HERC3: variants seen among roughly 807,000 people sequenced by gnomAD.
HERC3 encodes the protein probable E3 ubiquitin-protein ligase HERC3.
Under a neutral mutation model 129.9 loss-of-function variants are expected in HERC3, and 58 were observed. The ratio of observed to expected loss-of-function variants is 0.45; its 90% CI spans 0.36 to 0.56. HERC3 has a LOEUF of 0.56. HERC3 is among the 20% of genes least tolerant of loss of function. The pLI, the probability that HERC3 is intolerant of heterozygous loss-of-function variation, is 0.00. For missense variants in HERC3, 835 were observed against 1,244.2 expected (o/e 0.67, Z 4.95); for synonymous variants, 430 against 451.0 (o/e 0.95, Z 0.59).
the HERC3 span, among the ~76,000 whole-genome samples, chr4:88,534,448 A>G: frequency 6.6e-6 from 1 of 151,872 alleles, no homozygotes; most frequent in African/African-American, 2.4e-5. Context: ...AAACACTATA[A>G]TTACCCAGTG....
chr4:88,658,155 G>T (rs867046899), intron 9 of HERC3: 5 of 283,408 alleles, frequency 1.8e-5, no homozygotes, highest in East Asian at 6.1e-5. Flanking sequence ...ATGAAAAAGA[G>T]AAACTAGGTC....
At chr4:88,627,109 A>G (rs1476308875) in intron 3 of HERC3, among the ~76,000 whole-genome samples, 1 of 152,184 alleles carries the variant, frequency 6.6e-6, no homozygotes, top group African/African-American at 2.4e-5. Flanking sequence ...TATTTAGTTT[A>G]AAATACTTTG....
chr4:88,592,522 C>G lies in HERC3; in HGVS notation c.-140C>G, dbSNP rs1428901172. 6.6e-6 allele frequency: 1 copy of G among 152,324 alleles called. No individual in the cohort carries two copies. Among genetic ancestry groups the G allele is most frequent in the East Asian group, 1.9e-4 (1 of 5,178 alleles). 9.4% of individuals were successfully genotyped at this position (152,324 alleles called of 1,614,324 possible). A position where few individuals can be genotyped will look rare whatever the true frequency, so the allele number is the denominator to read the frequency against. The stretch of plus-strand genomic sequence containing the variant: ...GAAAACGGAGAAACCCCGGGTCCGG[C>G]GAGAGGGGCTGTGACAGTCGGAGTC... On this transcript the variant is annotated 5_prime_UTR_variant, in exon 1 of 26. Coordinates refer to ENST00000402738, the MANE Select transcript of HERC3 (RefSeq NM_014606.3).
the HERC3 span, among the ~76,000 whole-genome samples, chr4:88,557,799 G>A: frequency 0.16 from 25,041 of 152,078 alleles, 2,356 homozygotes; most frequent in Admixed American, 0.25. Context: ...GCTCATGCCT[G>A]TAATCCCAGC....
At chr4:88,631,091 A>G (rs541770671) in intron 3 of HERC3, among the ~76,000 whole-genome samples, 32 of 152,348 alleles carry the variant, frequency 2.1e-4, no homozygotes, top group South Asian at 4.1e-4. Context: ...AACATTTTTC[A>G]TAGTATTTGT....
chr4:88,565,396 C>G, the HERC3 span, among the ~76,000 whole-genome samples: 11 of 151,954 alleles, frequency 7.2e-5, no homozygotes, highest in Admixed American at 3.9e-4. Flanking sequence ...ATAATGTTTG[C>G]TTTATATACC....
At chr4:88,704,736 G>A (rs1019694198) in intron 25 of HERC3, 126 bp downstream of exon 25, 1 of 641,162 alleles carries the variant, frequency 1.6e-6, no homozygotes, top group South Asian at 2.0e-5. Context: ...TTCACTATAT[G>A]TATGCTTTTT....
chr4:88,672,866 C>T (rs567834033), intron 16 of HERC3, among the ~76,000 whole-genome samples: 1 of 143,320 alleles, frequency 7.0e-6, no homozygotes, highest in South Asian at 2.3e-4. Context: ...CTAATGTGTG[C>T]CATCTGCCTG....
At chr4:88,574,468 A>G in the HERC3 span, among the ~76,000 whole-genome samples, 1 of 152,214 alleles carries the variant, frequency 6.6e-6, no homozygotes, top group Non-Finnish European at 1.5e-5. Context: ...TTTAAAGTGT[A>G]CAGTTCAATG....
At chr4:88,561,377 T>G in the HERC3 span, among the ~76,000 whole-genome samples, 1 of 152,150 alleles carries the variant, frequency 6.6e-6, no homozygotes, top group Non-Finnish European at 1.5e-5. Flanking sequence ...AAAAAAATTT[T>G]ATGGGTACAT....
intron 3 of HERC3, among the ~76,000 whole-genome samples, chr4:88,609,112 C>CAAA (rs35489177): frequency 1.4e-4 from 13 of 89,694 alleles, no homozygotes; most frequent in South Asian, 3.3e-4. Flanking sequence ...CATACAGATG[C>CAAA]AAAAAAAAAA....
At position 88,639,827 on chromosome 4, in the gene HERC3, C is replaced by G. The variant is rs1467768801; in HGVS notation, c.227-10013C>G. 3.3e-5 allele frequency among the ~76,000 whole-genome samples: 5 copies of G among 152,188 alleles called. No homozygotes were observed. The South Asian group carries it at 6.2e-4, about 19-fold the overall frequency. Reference sequence around the variant, plus strand: ...CAAAATGGAAGAAAATATTTGCACTCTACCCATCTGACAAAGGTCTAATAT... The same window carrying G: ...CAAAATGGAAGAAAATATTTGCACTGTACCCATCTGACAAAGGTCTAATAT... On this transcript the variant is annotated intron_variant, in intron 3 of 25. Transcript: ENST00000402738.
chr4:88,686,905 A>T, intron 22 of HERC3, 103 bp downstream of exon 22: 2 of 908,986 alleles, frequency 2.2e-6, no homozygotes, highest in East Asian at 2.5e-5. Flanking sequence ...AAAAAGTCAG[A>T]GACTTCTTTG....
chr4:88,583,284 A>G, the HERC3 span, among the ~76,000 whole-genome samples: 1 of 151,942 alleles, frequency 6.6e-6, no homozygotes. Context: ...AAAAATACAA[A>G]AATTAGCCAG....
intron 1 of HERC3, among the ~76,000 whole-genome samples, chr4:88,593,726 C>A (rs968599975): frequency 1.3e-5 from 2 of 152,154 alleles, no homozygotes; most frequent in African/African-American, 4.8e-5. Flanking sequence ...ATTTCTAGAA[C>A]CTTTTATTTG....
At chr4:88,581,266 A>AATATATTCT in the HERC3 span, among the ~76,000 whole-genome samples, 1 of 151,678 alleles carries the variant, frequency 6.6e-6, no homozygotes, top group African/African-American at 2.4e-5. Flanking sequence ...ATCTGCTAAA[A>AATATATTCT]ATATATTCTT....
At position 88,706,744 on chromosome 4, in the gene HERC3, C is replaced by T. The variant is rs765025974; in HGVS notation, c.2945-8C>T. 1 of 1,613,260 alleles carries T rather than the reference C, an allele frequency of 6.2e-7. No individual in the cohort carries two copies. Among genetic ancestry groups the T allele is most frequent in the Non-Finnish European group, 8.5e-7 (1 of 1,179,274 alleles). ...TTAGCTGCTAATGCCATTTCTCGTT[C>T]TCCCCAGTGTTCCTGACAGGCAGCG... On this transcript the variant is annotated splice_region_variant and splice_polypyrimidine_tract_variant and intron_variant, in intron 25 of 25. Coordinates refer to ENST00000402738, the MANE Select transcript of HERC3 (RefSeq NM_014606.3).
chr4:88,531,107 C>T, the HERC3 span, among the ~76,000 whole-genome samples: 2 of 152,198 alleles, frequency 1.3e-5, no homozygotes, highest in Non-Finnish European at 2.9e-5. Flanking sequence ...ATCTGCCCTC[C>T]TCAGCCTCCC....
At chr4:88,525,002 G>GT in the HERC3 span, 5 of 148,724 alleles carry the variant, frequency 3.4e-5, no homozygotes, top group African/African-American at 5.0e-5. Flanking sequence ...TTTTTTGTTT[G>GT]TTTTTTGGGC....
Sources: allele counts gnomAD v4.1 joint callset (sites outside exome capture counted in the v4.1 genomes callset), GRCh38; gene constraint gnomAD v4.1.1; transcripts MANE v1.5; gene names NCBI Gene and HGNC (gene_info 2026-07-23, HGNC 2026-07-21).